Variants in SFXN2 observed in about 807,000 individuals in gnomAD.
SFXN2 encodes the protein sideroflexin-2.
Under a neutral mutation model 41.9 loss-of-function variants are expected in SFXN2, and 37 were observed. The ratio of observed to expected loss-of-function variants is 0.88; its 90% CI spans 0.68 to 1.16. The LOEUF is 1.16. Ranked by LOEUF, SFXN2 falls within the 50% of genes most tolerant of loss-of-function variation. SFXN2 has a pLI of 0.00. For synonymous variants in SFXN2, 150 were observed against 156.7 expected, an observed-to-expected ratio of 0.96 and a Z score of 0.32; for missense variants, 386 against 425.2, an observed-to-expected ratio of 0.91 and a Z score of 0.81.
chr10:102,732,845 C>G lies in SFXN2; in HGVS notation c.722-14C>G. 1 of 1,614,134 alleles carries G rather than the reference C, an allele frequency of 6.2e-7. No individual in the cohort carries two copies. Among genetic ancestry groups the G allele is most frequent in the South Asian group, 1.1e-5 (1 of 91,086 alleles). On this transcript the variant is annotated splice_polypyrimidine_tract_variant and intron_variant, in intron 8 of 11. Transcript: ENST00000369893. ...TCCCAGCCCTCCCCTCAGCTTCTCC[C>G]TGGTCTCTTCCAGTCTTGCTGCCAG...
intron 8 of SFXN2, 39 bp from the exon 9 acceptor site, chr10:102,732,819 CT>C: frequency 6.2e-7 from 1 of 1,604,118 alleles, no homozygotes; most frequent in Non-Finnish European, 8.5e-7. Context: ...TGGGGAGAGC[CT>C]CCCAGCCCTC....
rs77225337 is a variant in SFXN2 at position 102,727,658 on chromosome 10, C to T, written c.332+501C>T. 6.5e-3 allele frequency: 1,021 copies of T among 155,926 alleles called. 17 individuals carry two copies. Among genetic ancestry groups the T allele is most frequent in the East Asian group, 0.057 (306 of 5,344 alleles). 9.7% of individuals were successfully genotyped at this position (155,926 alleles called of 1,614,324 possible). ...TTCCTCCCCTGCGTCCCCCACCCCA[C>T]GCATTGATTGGTTCAGCTATTGAGC... is the stretch of plus-strand genomic sequence containing the variant. On this transcript the variant is annotated intron_variant, in intron 3 of 11. Transcript: ENST00000369893.
At chr10:102,719,017 G>A (rs1474108557) in intron 1 of SFXN2, among the ~76,000 whole-genome samples, 2 of 144,122 alleles carry the variant, frequency 1.4e-5, no homozygotes, top group South Asian at 2.2e-4. Flanking sequence ...TTCACCTCCC[G>A]GGTTCAAGTG....
chr10:102,730,813 C>T (rs1344442615), intron 6 of SFXN2, among the ~76,000 whole-genome samples: 2 of 151,952 alleles, frequency 1.3e-5, no homozygotes, highest in Non-Finnish European at 2.9e-5. Flanking sequence ...TAGGGCCAGG[C>T]GTGGTAGCTC....
chr10:102,729,222 C>T (rs138448296), intron 4 of SFXN2, 97 bp from the exon 5 acceptor site: 12 of 1,150,316 alleles, frequency 1.0e-5, no homozygotes, highest in African/African-American at 9.1e-5. Flanking sequence ...GCGGTTTTCA[C>T]GCACGAAGCC....
In SFXN2 at chr10:102,726,621, T is replaced by C. The variant is rs1210775814; in HGVS notation, c.-16T>C. 16 of 1,613,924 alleles carry C rather than the reference T, an allele frequency of 9.9e-6. No homozygotes were observed. Among genetic ancestry groups the C allele is most frequent in the Non-Finnish European group, 1.3e-5 (15 of 1,179,910 alleles). Reference sequence around the variant, plus strand: ...TTCCTTTGTCCCTTAGGTCCACAGTTTTATGTGTGAGCAAGATGGAGGCTG... The same window carrying C: ...TTCCTTTGTCCCTTAGGTCCACAGTCTTATGTGTGAGCAAGATGGAGGCTG... On this transcript the variant is annotated 5_prime_UTR_variant, in exon 2 of 12. Coordinates refer to ENST00000369893, the MANE Select transcript of SFXN2 (RefSeq NM_178858.6).
intron 1 of SFXN2, among the ~76,000 whole-genome samples, chr10:102,722,667 A>G (rs2064525220): frequency 6.6e-6 from 1 of 151,882 alleles, no homozygotes; most frequent in Admixed American, 6.6e-5. Flanking sequence ...CAGCCTCCCA[A>G]GTAGCTGGGA....
rs1564748261 is a variant in SFXN2, at chr10:102,737,740, T to C, written c.947T>C (p.Val316Ala). 6.2e-7 allele frequency: 1 copy of C among 1,612,218 alleles called. No homozygotes were observed. The highest frequency in any genetic ancestry group is 1.3e-5 in the African/African-American group (1 of 75,020). Residue 316 changes from valine (V) to alanine (A), a missense_variant, in exon 12 of 12, where the codon GTC becomes GCC. Coordinates refer to ENST00000369893, the MANE Select transcript of SFXN2 (RefSeq NM_178858.6). ...KAKYGELEPY[V>A]YFNKGL is the part of the protein sequence containing the mutation. ...AAGTATGGAGAACTTGAGCCTTATG[T>C]CTACTTCAATAAGGGTCTCTAAATG...
At position 102,727,019 on chromosome 10, in the gene SFXN2, A is replaced by G. The variant is rs2064609140; in HGVS notation, c.194A>G (p.Glu65Gly). 3 of 1,603,610 alleles carry G rather than the reference A, an allele frequency of 1.9e-6. No individual in the cohort carries two copies. Among genetic ancestry groups the G allele is most frequent in the Non-Finnish European group, 2.6e-6 (3 of 1,171,674 alleles). ...MGVVPPGTQV[E>G]QLLYAKKLYD... is the part of the protein sequence containing the mutation. ...GTTGTGCCCCCAGGCACCCAAGTGG[A>G]GCAGCTGCTGTATGCCAAGAAGCTG... is the stretch of plus-strand genomic sequence containing the variant. The change falls in exon 3 of 12, where the codon GAG becomes GGG. Residue 65 changes from glutamate (E) to glycine (G), a missense_variant. Transcript: ENST00000369893.
At chr10:102,718,959 A>G (rs1242434781) in intron 1 of SFXN2, among the ~76,000 whole-genome samples, 3 of 96,198 alleles carry the variant, frequency 3.1e-5, no homozygotes, top group Non-Finnish European at 5.7e-5. Flanking sequence ...GGGTCTTGCT[A>G]TGTTGCCAAG....
At position 102,742,453 on chromosome 10, in the gene SFXN2, A is replaced by T. The variant is rs1480244216; in HGVS notation, c.*4691A>T. 7.0e-6 allele frequency: 1 copy of T among 142,554 alleles called. No individual in the cohort carries two copies. Among genetic ancestry groups the T allele is most frequent in the Non-Finnish European group, 1.5e-5 (1 of 66,204 alleles). 8.8% of individuals were successfully genotyped at this position (142,554 alleles called of 1,614,324 possible). A position where few individuals can be genotyped will look rare whatever the true frequency, so the allele number is the denominator to read the frequency against. Reference sequence around the variant, plus strand: ...TGGGATTACAGGCAGGAGCCACCGCACCTGGCCTTTTTTTTTTTTTGAGAC... The same window carrying T: ...TGGGATTACAGGCAGGAGCCACCGCTCCTGGCCTTTTTTTTTTTTTGAGAC... On this transcript the variant is annotated 3_prime_UTR_variant, in exon 12 of 12. Transcript: ENST00000369893.
intron 10 of SFXN2, among the ~76,000 whole-genome samples, 198 bp downstream of exon 10, chr10:102,733,801 C>G (rs756502284): frequency 6.6e-6 from 1 of 152,200 alleles, no homozygotes; most frequent in East Asian, 1.9e-4. Flanking sequence ...ACTTTATGCA[C>G]GTGTCCATGT....
chr10:102,726,629 T>C lies in SFXN2; in HGVS notation c.-8T>C, dbSNP rs1201080303. On this transcript the variant is annotated 5_prime_UTR_variant, in exon 2 of 12. Transcript: ENST00000369893. Reference sequence around the variant, plus strand: ...TCCCTTAGGTCCACAGTTTTATGTGTGAGCAAGATGGAGGCTGACCTGTCT... The same window carrying C: ...TCCCTTAGGTCCACAGTTTTATGTGCGAGCAAGATGGAGGCTGACCTGTCT... The C allele has an allele frequency of 2.5e-6, 4 of 1,613,926 alleles. No homozygotes were observed. The highest frequency in any genetic ancestry group is 1.7e-5 in the Admixed American group (1 of 59,986).
intron 1 of SFXN2, among the ~76,000 whole-genome samples, chr10:102,719,290 C>T (rs949976119): frequency 6.0e-5 from 9 of 150,774 alleles, no homozygotes; most frequent in African/African-American, 2.0e-4. Flanking sequence ...GGCACAATCT[C>T]GGCTCACTGC....
chr10:102,727,096 C>T lies in SFXN2; in HGVS notation c.271C>T (p.Arg91Cys), dbSNP rs372494847. Residue 91 changes from arginine to cysteine, a missense_variant, in exon 3 of 12, where the codon CGC becomes TGC. By Grantham distance (180) the Arg-to-Cys change is radical. Transcript: ENST00000369893. ...DTGEKMNVIG[R>C]MSFQLPGGMI... Reference sequence around the variant, plus strand: ...TGGGGAGAAGATGAATGTCATCGGGCGCATGTCTTTCCAGCTTCCTGGCGG... The same window carrying T: ...TGGGGAGAAGATGAATGTCATCGGGTGCATGTCTTTCCAGCTTCCTGGCGG... The T allele has an allele frequency of 1.5e-5, 24 of 1,609,110 alleles. No homozygotes were observed. The highest frequency in any genetic ancestry group is 1.1e-4 in the African/African-American group (8 of 74,840).
intron 1 of SFXN2, among the ~76,000 whole-genome samples, chr10:102,718,860 C>T (rs181950304): frequency 3.0e-4 from 46 of 151,768 alleles, no homozygotes; most frequent in African/African-American, 1.1e-3. Flanking sequence ...TCTCCACCTC[C>T]TTTCTCTCTT....
In SFXN2 at chr10:102,733,596, G is replaced by C; in HGVS notation, c.814G>C (p.Gly272Arg). 6.2e-7 allele frequency: 1 copy of C among 1,614,014 alleles called. No homozygotes were observed. Among genetic ancestry groups the C allele is most frequent in the Middle Eastern group, 1.6e-4 (1 of 6,062 alleles). ...CGCCCCATTGCAGGTCATGCTGAGCGGGTGCTTGTAAGTATCATATTTTGA... is the reference window on the plus strand; with the variant it reads ...CGCCCCATTGCAGGTCATGCTGAGCCGGTGCTTGTAAGTATCATATTTTGA... ...LHAPLQVMLS[G>R]CFLIFMVPVA... Residue 272 changes from glycine to arginine, a missense_variant, in exon 10 of 12, where the codon GGG (glycine) becomes CGG (arginine). Gly to Arg is a moderately radical substitution (Grantham distance 125). Transcript: ENST00000369893.
At position 102,735,873 on chromosome 10, in the gene SFXN2, T is replaced by C. The variant is rs1178139019; in HGVS notation, c.833T>C (p.Met278Thr). Residue 278 changes from methionine (M) to threonine (T), a missense_variant, in exon 11 of 12, where the codon ATG (methionine) becomes ACG (threonine). Physicochemically the swap from Met to Thr is moderately conservative, Grantham distance 81. Coordinates refer to ENST00000369893, the MANE Select transcript of SFXN2 (RefSeq NM_178858.6). The part of the protein sequence containing the change: ...VMLSGCFLIF[M>T]VPVACGLFPQ... ...CTCCTTTCTTGCAGCCTCATCTTCA[T>C]GGTGCCAGTGGCGTGTGGGCTTTTC... is the stretch of plus-strand genomic sequence containing the variant. 6.2e-7 allele frequency: 1 copy of C among 1,614,154 alleles called. No individual in the cohort carries two copies. Among genetic ancestry groups the C allele is most frequent in the East Asian group, 2.2e-5 (1 of 44,874 alleles).
intron 1 of SFXN2, among the ~76,000 whole-genome samples, chr10:102,721,662 C>G (rs963898300): frequency 3.4e-5 from 5 of 147,984 alleles, no homozygotes; most frequent in African/African-American, 9.8e-5. Context: ...TTATAGTATA[C>G]AAATATATTT....
Sources: allele counts gnomAD v4.1 joint callset (sites outside exome capture counted in the v4.1 genomes callset), GRCh38; gene constraint gnomAD v4.1.1; transcripts MANE v1.5; gene names NCBI Gene and HGNC (gene_info 2026-07-23, HGNC 2026-07-21).